The following PPP4R2 variants were observed in gnomAD, a reference collection of about 807,000 sequenced individuals.
PPP4R2 encodes the protein serine/threonine-protein phosphatase 4 regulatory subunit 2.
PPP4R2 carries 13 observed loss-of-function variants against 47.2 expected under a neutral mutation model. That is an observed-to-expected ratio of 0.28 (90% CI 0.18 to 0.44). The LOEUF (loss-of-function observed/expected upper bound fraction) is 0.44. Ranked by LOEUF, PPP4R2 falls within the 20% of genes least tolerant of loss-of-function variation. The pLI is 1.00. For synonymous variants in PPP4R2, 151 were observed against 163.3 expected, an observed-to-expected ratio of 0.92 and a Z score of 0.57; for missense variants, 421 against 491.2, an observed-to-expected ratio of 0.86 and a Z score of 1.35.
intron 2 of PPP4R2, chr3:73,015,957 A>G (rs558949853): frequency 1.7e-5 from 4 of 235,924 alleles, no homozygotes; most frequent in East Asian, 1.6e-4. Flanking sequence ...GAGTAGAGAC[A>G]GGGTTTCACC....
intron 3 of PPP4R2, among the ~76,000 whole-genome samples, chr3:73,052,246 C>G (rs3933000): frequency 7.2e-6 from 1 of 139,754 alleles, no homozygotes; most frequent in Admixed American, 7.1e-5. Context: ...TCTTTCTTTT[C>G]TTTTTTTTTT....
At chr3:73,046,706 G>GA (rs34414321) in intron 2 of PPP4R2, among the ~76,000 whole-genome samples, 25 of 151,312 alleles carry the variant, frequency 1.7e-4, no homozygotes, top group Middle Eastern at 3.4e-3. Context: ...ACTGAAAGGG[G>GA]AAAAAAAAGG....
rs981500728 is a variant in PPP4R2, at chr3:73,068,471, T to C, written c.*2749T>C. On this transcript the variant is annotated 3_prime_UTR_variant, in exon 9 of 9. Transcript: ENST00000356692. ...AAAATATATTTTCAGTTCTGAAAAA[T>C]GTAGCAGAAGTAGTGAAAATGTCAT... The C allele has an allele frequency of 4.6e-5, 7 of 152,192 alleles. No individual in the cohort carries two copies. The highest frequency in any genetic ancestry group is 1.2e-4 in the African/African-American group (5 of 41,448). The allele number at this position is 152,192 out of a possible 1,614,324, so 9.4% of individuals were successfully genotyped here. A position where few individuals can be genotyped will look rare whatever the true frequency, so the allele number is the denominator to read the frequency against.
At chr3:73,035,713 C>G (rs1015331413) in intron 2 of PPP4R2, among the ~76,000 whole-genome samples, 33 of 152,218 alleles carry the variant, frequency 2.2e-4, no homozygotes, top group Middle Eastern at 3.4e-3. Flanking sequence ...CAACCTCTGC[C>G]TCCTGAGTTC....
At chr3:73,032,567 G>A (rs1057000836) in intron 2 of PPP4R2, among the ~76,000 whole-genome samples, 11 of 152,120 alleles carry the variant, frequency 7.2e-5, no homozygotes, top group Admixed American at 4.6e-4. Flanking sequence ...GATTACAGGC[G>A]TGAGCCACCG....
intron 2 of PPP4R2, among the ~76,000 whole-genome samples, chr3:73,027,276 G>A (rs1324202529): frequency 1.3e-5 from 2 of 152,158 alleles, no homozygotes; most frequent in African/African-American, 2.4e-5. Flanking sequence ...ACAGGCGTGC[G>A]CCACCATTGC....
At chr3:73,004,869 GTTTGTTTGTT>G (rs1218181238) in intron 2 of PPP4R2, among the ~76,000 whole-genome samples, 47 of 38,150 alleles carry the variant, frequency 1.2e-3, no homozygotes, top group South Asian at 5.6e-3. Flanking sequence ...GTGTGTGTGT[GTTTGTTTGTT>G]TGTTTGTGTG....
intron 2 of PPP4R2, among the ~76,000 whole-genome samples, chr3:73,034,683 C>T (rs978344542): frequency 6.6e-6 from 1 of 152,018 alleles, no homozygotes. Flanking sequence ...TAGGTACATG[C>T]CACCATGCCT....
At chr3:73,056,961 T>C (rs1702742667) in intron 3 of PPP4R2, among the ~76,000 whole-genome samples, 1 of 152,202 alleles carries the variant, frequency 6.6e-6, no homozygotes, top group African/African-American at 2.4e-5. Context: ...ACTATTTGAA[T>C]ACCCAAACAC....
intron 2 of PPP4R2, among the ~76,000 whole-genome samples, chr3:73,017,459 C>T (rs899894866): frequency 6.6e-6 from 1 of 152,160 alleles, no homozygotes; most frequent in South Asian, 2.1e-4. Flanking sequence ...CCCCCACCCC[C>T]AATTAGCACC....
chr3:73,006,497 G>C (rs1292566597), intron 2 of PPP4R2, among the ~76,000 whole-genome samples: 7 of 152,106 alleles, frequency 4.6e-5, no homozygotes, highest in Non-Finnish European at 1.0e-4. Flanking sequence ...GCCCAGAGTA[G>C]CTTTTCTAAC....
At position 73,064,140 on chromosome 3, in the gene PPP4R2, A is replaced by G. The variant is rs762932163; in HGVS notation, c.632A>G (p.Asn211Ser). Reference sequence around the variant, plus strand: ...AATTTGCAGCAAAATGAGGAGAAAAATCACAGGTTTGTATGTTTTATATTT... The same window carrying G: ...AATTTGCAGCAAAATGAGGAGAAAAGTCACAGGTTTGTATGTTTTATATTT... Reference protein sequence around the residue: ...EANLQQNEEKNHSDSSTSESE... With the variant: ...EANLQQNEEKSHSDSSTSESE... Residue 211 changes from asparagine (N) to serine (S), a missense_variant, in exon 7 of 9, where the codon AAT (asparagine) becomes AGT (serine). Physicochemically the swap from Asn to Ser is conservative, Grantham distance 46 (BLOSUM62 1). Transcript: ENST00000356692. 10 of 1,604,928 alleles carry G rather than the reference A, an allele frequency of 6.2e-6. No homozygotes were observed. The highest frequency in any genetic ancestry group is 8.5e-6 in the Non-Finnish European group (10 of 1,177,704).
chr3:73,060,671 C>T (rs1011873258), intron 4 of PPP4R2, among the ~76,000 whole-genome samples: 1 of 152,158 alleles, frequency 6.6e-6, no homozygotes, highest in Non-Finnish European at 1.5e-5. Context: ...AAATCAATTA[C>T]ATATGTCTTA....
chr3:73,049,321 AC>A (rs373542435), intron 3 of PPP4R2, among the ~76,000 whole-genome samples: 1 of 152,056 alleles, frequency 6.6e-6, no homozygotes, highest in African/African-American at 2.4e-5. Context: ...ACACGGTGAA[AC>A]CCCGTCTCTA....
At chr3:73,020,884 T>G in intron 2 of PPP4R2, among the ~76,000 whole-genome samples, 1 of 151,988 alleles carries the variant, frequency 6.6e-6, no homozygotes, top group East Asian at 1.9e-4. Context: ...TTCTCAGGTG[T>G]CTTCTTATAA....
chr3:73,016,271 A>G (rs1459492620), intron 2 of PPP4R2: 4 of 106,802 alleles, frequency 3.7e-5, no homozygotes, highest in South Asian at 3.5e-4. Flanking sequence ...ATTCTCGTTC[A>G]CTTTTTTTTT....
At chr3:73,017,554 AGAGT>A (rs1166792768) in intron 2 of PPP4R2, among the ~76,000 whole-genome samples, 1 of 152,230 alleles carries the variant, frequency 6.6e-6, no homozygotes, top group Non-Finnish European at 1.5e-5. Context: ...GAGTCTAGAA[AGAGT>A]GAGAGAGAAA....
At chr3:73,023,624 A>ATT (rs1460499954) in intron 2 of PPP4R2, among the ~76,000 whole-genome samples, 1 of 152,258 alleles carries the variant, frequency 6.6e-6, no homozygotes, top group Non-Finnish European at 1.5e-5. Context: ...GTTTAAAACA[A>ATT]TTTAAACAGT....
At chr3:73,005,668 G>GAGA (rs1427682228) in intron 2 of PPP4R2, among the ~76,000 whole-genome samples, 29 of 151,882 alleles carry the variant, frequency 1.9e-4, no homozygotes, top group Non-Finnish European at 2.1e-4. Context: ...GACCAACATG[G>GAGA]AGAAACCCCA....
Sources: allele counts gnomAD v4.1 joint callset (sites outside exome capture counted in the v4.1 genomes callset), GRCh38; gene constraint gnomAD v4.1.1; transcripts MANE v1.5; gene names NCBI Gene and HGNC (gene_info 2026-07-23, HGNC 2026-07-21).